Variants in GGT1 observed in about 807,000 individuals in gnomAD.
GGT1 encodes gamma-glutamyltransferase 1.
In GGT1, 21 loss-of-function variants were observed where a neutral mutation model predicts 56.0. The ratio of observed to expected loss-of-function variants is 0.38; its 90% CI spans 0.27 to 0.54. The LOEUF (loss-of-function observed/expected upper bound fraction) is 0.54. Ranked by LOEUF, GGT1 falls within the 20% of genes least tolerant of loss-of-function variation. The pLI is 0.82. For synonymous variants in GGT1, 238 were observed against 342.6 expected (o/e 0.69, Z 3.37); for missense variants, 466 against 787.0 (o/e 0.59, Z 4.88).
chr22:24,586,419 A>C, the GGT1 span: 1 of 1,603,532 alleles, frequency 6.2e-7, no homozygotes, highest in South Asian at 1.1e-5. Flanking sequence ...AGGCTATGGG[A>C]GAGTGGCAGG....
At chr22:24,606,659 G>GGCT (rs1238471160) in intron 1 of GGT1, among the ~76,000 whole-genome samples, 4 of 152,128 alleles carry the variant, frequency 2.6e-5, no homozygotes, top group Non-Finnish European at 4.4e-5. Flanking sequence ...TCCACCCTAG[G>GGCT]GCTATTGAGG....
chr22:24,595,734 C>T (rs557595567), intron 1 of GGT1, among the ~76,000 whole-genome samples: 1 of 152,340 alleles, frequency 6.6e-6, no homozygotes, highest in East Asian at 1.9e-4. Flanking sequence ...CCCTCTGCCA[C>T]CCATGCGGTG....
chr22:24,605,233 TATA>T (rs2046032452), intron 1 of GGT1, among the ~76,000 whole-genome samples: 1 of 20,470 alleles, frequency 4.9e-5, no homozygotes, highest in Non-Finnish European at 7.8e-5. Flanking sequence ...TAATATGTAT[TATA>T]TTATATATTA....
Position 24,615,121 on chromosome 22 carries a change from C to G in GGT1, c.376C>G (p.Gln126Glu), listed in dbSNP as rs199530500. ...ATMFNSSEQS[Q>E]KGGLSVAVPG... is the part of the protein sequence containing the mutation. Reference sequence around the variant, plus strand: ...CATGTTCAACAGCTCGGAGCAGTCCCAGAAGGGTAAGCCATGCGGCAGACT... The same window carrying G: ...CATGTTCAACAGCTCGGAGCAGTCCGAGAAGGGTAAGCCATGCGGCAGACT... Residue 126 changes from glutamine (Q) to glutamate (E), a missense_variant, in exon 7 of 16, where the codon CAG (glutamine) becomes GAG (glutamate). Gln to Glu is a conservative substitution (Grantham distance 29, BLOSUM62 2). Transcript: ENST00000400382. 1.0e-4 allele frequency: 162 copies of G among 1,610,632 alleles called. 1 individual carries two copies. The highest frequency in any genetic ancestry group is 3.4e-6 in the Non-Finnish European group (4 of 1,178,578).
chr22:24,602,712 G>A (rs1251484065), upstream of GGT1, among the ~76,000 whole-genome samples: 1 of 152,174 alleles, frequency 6.6e-6, no homozygotes, highest in Non-Finnish European at 1.5e-5. Flanking sequence ...GGTCCTTGGA[G>A]TGACAGCTCC....
upstream of GGT1, chr22:24,592,838 A>G: frequency 1.6e-6 from 2 of 1,273,712 alleles, no homozygotes; most frequent in South Asian, 2.3e-5. Flanking sequence ...CCGCCAGCCC[A>G]GGGGCGGACG....
chr22:24,588,129 A>G, the GGT1 span: 8 of 1,073,268 alleles, frequency 7.5e-6, no homozygotes, highest in Admixed American at 2.0e-5. Context: ...TTTCAGCACC[A>G]GCCTCTTGGT....
the GGT1 span, chr22:24,585,639 G>A: frequency 9.0e-6 from 5 of 554,216 alleles, 1 homozygote; most frequent in Non-Finnish European, 1.6e-5. Flanking sequence ...GCAGAGGCGG[G>A]TGTCACTCTT....
intron 7 of GGT1, among the ~76,000 whole-genome samples, chr22:24,616,159 A>G (rs895696498): frequency 6.6e-6 from 1 of 151,846 alleles, no homozygotes; most frequent in Non-Finnish European, 1.5e-5. Flanking sequence ...TCACGCCTGT[A>G]ATCCCAGCAC....
intron 5 of GGT1, among the ~76,000 whole-genome samples, chr22:24,612,538 G>GT (rs1324642065): frequency 7.3e-6 from 1 of 137,812 alleles, no homozygotes; most frequent in African/African-American, 2.8e-5. Context: ...GTTTTGTTTT[G>GT]TTTTTTGAGA....
At chr22:24,588,748 A>G in the GGT1 span, 58 of 1,049,158 alleles carry the variant, frequency 5.5e-5, no homozygotes, top group Non-Finnish European at 6.4e-5. Flanking sequence ...CCCAGGGAGT[A>G]GGAACAAGCC....
rs201313233 is a variant in GGT1 at position 24,627,926 on chromosome 22, G to A, written c.1283G>A (p.Ser428Asn). The change falls in exon 13 of 16, where the codon AGC becomes AAC. Residue 428 changes from serine to asparagine, a missense_variant. Coordinates refer to ENST00000400382, the MANE Select transcript of GGT1 (RefSeq NM_001288833.2). ...NNEMDDFSSPSITNEFGVPPS... is the reference protein window; with the variant it reads ...NNEMDDFSSPNITNEFGVPPS... ...GAAATGGACGACTTCAGCTCTCCCAGCATCACCAACGAGTTTGGGGTACCC... is the reference window on the plus strand; with the variant it reads ...GAAATGGACGACTTCAGCTCTCCCAACATCACCAACGAGTTTGGGGTACCC... 14,869 of 1,570,598 alleles carry A rather than the reference G, an allele frequency of 9.5e-3. 99 individuals carry two copies. Among genetic ancestry groups the A allele is most frequent in the Middle Eastern group, 0.011 (65 of 5,752 alleles).
intron 7 of GGT1, chr22:24,615,792 T>C (rs1205979882): frequency 6.6e-6 from 1 of 152,084 alleles, no homozygotes; most frequent in Non-Finnish European, 1.5e-5. Flanking sequence ...TCCTCAAAGG[T>C]GGTACAGTAG....
At chr22:24,607,515 G>C (rs2046395989) in intron 1 of GGT1, 1 of 153,488 alleles carries the variant, frequency 6.5e-6, no homozygotes, top group Non-Finnish European at 1.5e-5. Flanking sequence ...CTGCCATCCA[G>C]GGCCCTCCCA....
chr22:24,600,327 G>A (rs1317252483), upstream of GGT1, among the ~76,000 whole-genome samples: 1 of 152,234 alleles, frequency 6.6e-6, no homozygotes, highest in Non-Finnish European at 1.5e-5. Flanking sequence ...CTGAGGCTAG[G>A]AAGGGAAAGG....
In GGT1 at chr22:24,611,065, G is replaced by A. The variant is rs368126529; in HGVS notation, c.-7-10G>A. The A allele has an allele frequency of 7.5e-5, 119 of 1,596,220 alleles. No homozygotes were observed. The East Asian group carries it at 9.3e-4, about 12-fold the overall frequency. On this transcript the variant is annotated splice_polypyrimidine_tract_variant and intron_variant, in intron 4 of 15. Transcript: ENST00000400382. ...TAGGCCTGACCCTGCTTCTTACCCC[G>A]TGGGTGCAGCAGAGCCATGAAGAAG... is the stretch of plus-strand genomic sequence containing the variant.
chr22:24,620,359 C>G lies in GGT1; in HGVS notation c.414C>G (p.Ile138Met). The G allele has an allele frequency of 1.9e-6, 3 of 1,611,674 alleles. No individual in the cohort carries two copies. Among genetic ancestry groups the G allele is most frequent in the Non-Finnish European group, 2.5e-6 (3 of 1,179,764 alleles). The stretch of plus-strand genomic sequence containing the variant: ...TGTCGGTGGCGGTGCCTGGGGAGAT[C>G]CGAGGCTATGAGCTGGCACACCAGC... ...GGLSVAVPGE[I>M]RGYELAHQRH... The change falls in exon 8 of 16, where the codon ATC (isoleucine) becomes ATG (methionine). Residue 138 changes from isoleucine (I) to methionine (M), a missense_variant. This residue lies in a region of GGT1 where 456 missense variants were observed against 716.7 expected (regional missense o/e 0.64). Transcript: ENST00000400382. This position sits in a 1 kb window ranked among gnomAD's most constrained non-coding sequence, Gnocchi z 5.6.
Position 24,615,081 on chromosome 22 carries a change from G to C in GGT1, c.336G>C (p.Arg112Ser). ...TCAACGCCCGCGAGGTGGCCCCCAGGCTGGCCTTTGCCACCATGTTCAACA... is the reference window on the plus strand; with the variant it reads ...TCAACGCCCGCGAGGTGGCCCCCAGCCTGGCCTTTGCCACCATGTTCAACA... The part of the protein sequence containing the change: ...EVINAREVAP[R>S]LAFATMFNSS... The change falls in exon 7 of 16, where the codon AGG becomes AGC. Residue 112 changes from arginine (R) to serine (S), a missense_variant. By Grantham distance (110) the Arg-to-Ser change is moderately radical. Around this residue, in one of 2 missense-constraint regions of GGT1, gnomAD observed 456 missense variants for 716.7 expected, o/e 0.64. Coordinates refer to ENST00000400382, the MANE Select transcript of GGT1 (RefSeq NM_001288833.2). The C allele has an allele frequency of 6.2e-7, 1 of 1,612,146 alleles. No homozygotes were observed. The highest frequency in any genetic ancestry group is 8.5e-7 in the Non-Finnish European group (1 of 1,179,778).
chr22:24,627,362 C>T (rs1305470284), intron 11 of GGT1, 70 bp from the exon 12 acceptor site: 9 of 1,480,090 alleles, frequency 6.1e-6, no homozygotes, highest in South Asian at 1.2e-5. Context: ...AGTCAAGGGC[C>T]TTCTGAGACC....
Sources: allele counts gnomAD v4.1 joint callset (sites outside exome capture counted in the v4.1 genomes callset), GRCh38; gene constraint gnomAD v4.1.1; regional missense constraint gnomAD v4.1.1; non-coding constraint Gnocchi (gnomAD v3.1); transcripts MANE v1.5; gene names NCBI Gene and HGNC (gene_info 2026-07-23, HGNC 2026-07-21).